The following GRIK1 variants were observed in gnomAD, a reference collection of about 807,000 sequenced individuals.
GRIK1 encodes the protein glutamate receptor ionotropic, kainate 1.
In GRIK1, 69 loss-of-function variants were observed where a neutral mutation model predicts 105.7. That is an observed-to-expected ratio of 0.65 (90% CI 0.54 to 0.80). The LOEUF is 0.80. Ranked by LOEUF, GRIK1 falls within the 30% of genes least tolerant of loss-of-function variation. GRIK1 has a pLI of 0.00. For missense variants in GRIK1, 1,109 were observed against 1,167.3 expected (o/e 0.95, Z 0.73); for synonymous variants, 438 against 431.3 (o/e 1.02, Z -0.19).
At chr21:29,701,700 A>C (rs190236547) in intron 1 of GRIK1, among the ~76,000 whole-genome samples, 11 of 152,348 alleles carry the variant, frequency 7.2e-5, no homozygotes, top group Admixed American at 1.3e-4. Flanking sequence ...AACAAAGCAC[A>C]GGGAGATCTG....
intron 3 of GRIK1, among the ~76,000 whole-genome samples, chr21:29,674,565 A>G (rs954656299): frequency 3.9e-5 from 6 of 152,104 alleles, no homozygotes; most frequent in Non-Finnish European, 8.8e-5. Flanking sequence ...TGATTGGATC[A>G]TGAGGGCGGA....
chr21:29,645,278 T>C (rs2062594603), intron 6 of GRIK1, among the ~76,000 whole-genome samples: 1 of 152,088 alleles, frequency 6.6e-6, no homozygotes, highest in Non-Finnish European at 1.5e-5. Flanking sequence ...TAATTCGTGA[T>C]GCAAACTCAG....
intron 1 of GRIK1, among the ~76,000 whole-genome samples, chr21:29,761,821 C>T (rs2065532211): frequency 6.7e-6 from 1 of 148,250 alleles, no homozygotes; most frequent in Admixed American, 6.8e-5. Context: ...GATCTCAGCT[C>T]ACTGCAACCT....
Position 29,814,764 on chromosome 21 carries a change from A to G in GRIK1, c.119-120701T>C, listed in dbSNP as rs546805161. Among the ~76,000 whole-genome samples the G allele has an allele frequency of 6.9e-4, 105 of 152,234 alleles. 1 individual carries two copies. Among genetic ancestry groups the G allele is most frequent in the African/African-American group, 2.5e-3 (104 of 41,546 alleles). ...TTTGAAATAGTGGTAAACCTGGAGG[A>G]TGTACAGGTATGCATTAGGGTGTAG... On this transcript the variant is annotated intron_variant, in intron 1 of 17. Transcript: ENST00000327783.
intron 14 of GRIK1, among the ~76,000 whole-genome samples, chr21:29,569,920 T>C (rs1035741402): frequency 1.3e-5 from 2 of 152,136 alleles, no homozygotes; most frequent in South Asian, 2.1e-4. Flanking sequence ...ATCTTGTCAG[T>C]TGTCTTGGAT....
chr21:29,677,575 T>G (rs1021192225), intron 3 of GRIK1, among the ~76,000 whole-genome samples: 5 of 151,398 alleles, frequency 3.3e-5, no homozygotes, highest in Non-Finnish European at 5.9e-5. Flanking sequence ...GTGGAGCATA[T>G]GGAGGAGGAA....
chr21:29,732,112 C>A (rs1383991091), intron 1 of GRIK1, among the ~76,000 whole-genome samples: 1 of 152,128 alleles, frequency 6.6e-6, no homozygotes, highest in South Asian at 2.1e-4. Flanking sequence ...CTTTGAACGA[C>A]CGTTGTAATT....
At chr21:29,872,148 G>C (rs2069036464) in intron 1 of GRIK1, among the ~76,000 whole-genome samples, 1 of 151,194 alleles carries the variant, frequency 6.6e-6, no homozygotes, top group Non-Finnish European at 1.5e-5. Flanking sequence ...TATACATTGT[G>C]GATTGTCTAA....
intron 1 of GRIK1, among the ~76,000 whole-genome samples, chr21:29,867,729 G>A (rs568441315): frequency 6.6e-6 from 1 of 151,960 alleles, no homozygotes; most frequent in African/African-American, 2.4e-5. Flanking sequence ...GAGAAGCAGA[G>A]GTTGCAGTGA....
intron 1 of GRIK1, among the ~76,000 whole-genome samples, chr21:29,887,488 G>A (rs980002904): frequency 1.3e-5 from 2 of 152,148 alleles, no homozygotes; most frequent in Non-Finnish European, 2.9e-5. Context: ...TCAAGATATT[G>A]AGCAATCATG....
intron 1 of GRIK1, among the ~76,000 whole-genome samples, chr21:29,903,118 T>C (rs369732884): frequency 1.3e-5 from 2 of 152,188 alleles, no homozygotes; most frequent in Non-Finnish European, 1.5e-5. Context: ...TTACACCTTA[T>C]GCAAAAATTA....
intron 1 of GRIK1, among the ~76,000 whole-genome samples, chr21:29,883,565 A>T (rs2069502066): frequency 6.6e-6 from 1 of 152,038 alleles, no homozygotes. Flanking sequence ...AAAATGAAAT[A>T]TAAAAGCTTA....
chr21:29,562,392 C>T lies in GRIK1; in HGVS notation c.2131-543G>A, dbSNP rs900403487. ...ATCTTCAGCCAGGCCTGGTGGCTCA[C>T]ACCTGTAATCCCAGCACTTTGGGAG... On this transcript the variant is annotated intron_variant, in intron 14 of 17. Transcript: ENST00000327783. 2.6e-5 allele frequency among the ~76,000 whole-genome samples: 4 copies of T among 152,340 alleles called. No homozygotes were observed. The East Asian group carries it at 5.8e-4, about 22-fold the overall frequency.
chr21:29,785,548 A>G (rs2066235207), intron 1 of GRIK1, among the ~76,000 whole-genome samples: 2 of 126,252 alleles, frequency 1.6e-5, no homozygotes, highest in South Asian at 2.9e-4. Context: ...TGGGCGACAG[A>G]GTGAGACTGT....
At chr21:29,858,023 G>T (rs749059254) in intron 1 of GRIK1, among the ~76,000 whole-genome samples, 3 of 152,108 alleles carry the variant, frequency 2.0e-5, no homozygotes, top group African/African-American at 7.2e-5. Context: ...CCTCAGCCCC[G>T]CCGAGTAGCT....
Position 29,588,852 on chromosome 21 carries a change from T to C in GRIK1, c.1556A>G (p.Glu519Gly). The part of the protein sequence containing the change: ...DKGEWNGMVK[E>G]LIDHRADLAV... ...ATTGTTACTTACGTGATCTATGAGTTCTTTAACCATCCCGTTCCACTCCCC... is the reference window on the plus strand; with the variant it reads ...ATTGTTACTTACGTGATCTATGAGTCCTTTAACCATCCCGTTCCACTCCCC... Residue 519 changes from glutamate to glycine, a missense_variant, in exon 11 of 18, where the codon GAA (glutamate) becomes GGA (glycine). Physicochemically the swap from Glu to Gly is moderately conservative, Grantham distance 98 (BLOSUM62 -2). Around this residue, in one of 5 missense-constraint regions of GRIK1, gnomAD observed 54 missense variants for 88.1 expected, o/e 0.61. Coordinates refer to ENST00000327783, the MANE Select transcript of GRIK1 (RefSeq NM_001330994.2). The C allele has an allele frequency of 6.3e-7, 1 of 1,578,618 alleles. No homozygotes were observed. Among genetic ancestry groups the C allele is most frequent in the Non-Finnish European group, 8.7e-7 (1 of 1,147,700 alleles).
chr21:29,863,076 C>T (rs2068695851), intron 1 of GRIK1, among the ~76,000 whole-genome samples: 1 of 152,108 alleles, frequency 6.6e-6, no homozygotes, highest in African/African-American at 2.4e-5. Context: ...GTCTGTGAAT[C>T]CATGTACTCA....
At chr21:29,754,194 A>G (rs539287159) in intron 1 of GRIK1, among the ~76,000 whole-genome samples, 15 of 152,332 alleles carry the variant, frequency 9.8e-5, no homozygotes, top group African/African-American at 3.1e-4. Flanking sequence ...GAACAAATGC[A>G]GTTAGTGAAC....
chr21:29,726,440 A>G (rs1350425107), intron 1 of GRIK1, among the ~76,000 whole-genome samples: 1 of 152,224 alleles, frequency 6.6e-6, no homozygotes, highest in African/African-American at 2.4e-5. Context: ...TTCAACATGT[A>G]CTTTTAAAAT....
Sources: allele counts gnomAD v4.1 joint callset (sites outside exome capture counted in the v4.1 genomes callset), GRCh38; gene constraint gnomAD v4.1.1; regional missense constraint gnomAD v4.1.1; transcripts MANE v1.5; gene names NCBI Gene and HGNC (gene_info 2026-07-23, HGNC 2026-07-21).